The following ITGB5 variants were observed in gnomAD, a reference collection of about 807,000 sequenced individuals.
ITGB5 encodes integrin beta-5.
A neutral mutation model predicts 84.8 loss-of-function variants in ITGB5; 38 were observed. That is an observed-to-expected ratio of 0.45 (90% CI 0.35 to 0.59). ITGB5 has a LOEUF of 0.59. Ranked by LOEUF, ITGB5 falls within the 20% of genes least tolerant of loss-of-function variation. The pLI is 0.01. For synonymous variants in ITGB5, 393 were observed against 414.4 expected (o/e 0.95, Z 0.63); for missense variants, 905 against 1,034.5 (o/e 0.87, Z 1.72).
intron 10 of ITGB5, chr3:124,792,802 TTTTGGATATGAAG>T: frequency 6.6e-6 from 1 of 152,268 alleles, no homozygotes; most frequent in East Asian, 1.9e-4. Flanking sequence ...CACCAGGGGT[TTTTGGATATGAAG>T]TCTGGCAGAA....
At chr3:124,866,020 G>A (rs1342421728) in intron 2 of ITGB5, among the ~76,000 whole-genome samples, 1 of 152,048 alleles carries the variant, frequency 6.6e-6, no homozygotes, top group Non-Finnish European at 1.5e-5. Context: ...TTTTGAGATG[G>A]AATCTCGCTC....
intron 13 of ITGB5, 45 bp from the exon 14 acceptor site, chr3:124,764,602 A>G (rs774221790): frequency 9.6e-6 from 15 of 1,567,656 alleles, no homozygotes; most frequent in African/African-American, 2.7e-5. Context: ...TAGCATCACC[A>G]TGCCCCTCTC....
At chr3:124,784,001 C>T (rs923912755) in intron 10 of ITGB5, among the ~76,000 whole-genome samples, 1 of 152,140 alleles carries the variant, frequency 6.6e-6, no homozygotes, top group Non-Finnish European at 1.5e-5. Context: ...TGTCCTTCAT[C>T]GGCTGGACTA....
chr3:124,887,666 C>T (rs1230317030), upstream of ITGB5: 2 of 448,642 alleles, frequency 4.5e-6, no homozygotes, highest in South Asian at 1.6e-5. Context: ...CCCGTCGCCA[C>T]GGGAAAGGGG....
At chr3:124,773,978 T>C in intron 10 of ITGB5, 66 bp from the exon 11 acceptor site, 1 of 1,390,894 alleles carries the variant, frequency 7.2e-7, no homozygotes, top group Non-Finnish European at 1.0e-6. Flanking sequence ...AACCATCTGG[T>C]GCCCCACATG....
At chr3:124,835,380 T>C (rs1445426041) in intron 5 of ITGB5, among the ~76,000 whole-genome samples, 1 of 152,126 alleles carries the variant, frequency 6.6e-6, no homozygotes, top group Non-Finnish European at 1.5e-5. Context: ...GTCTGCCACA[T>C]AGAAAGCCAA....
rs180764379 is a variant in ITGB5, at chr3:124,872,146, G to T, written c.156+1300C>A. Among the ~76,000 whole-genome samples the T allele has an allele frequency of 1.9e-3, 282 of 152,314 alleles. 4 individuals carry two copies. The highest frequency in any genetic ancestry group is 6.4e-3 in the African/African-American group (268 of 41,566). The stretch of plus-strand genomic sequence containing the variant: ...CAATTAATCACAAATATGATTAAAG[G>T]TTTATATGTTGGGAAGATTCCACTC... On this transcript the variant is annotated intron_variant, in intron 2 of 14. Transcript: ENST00000296181.
chr3:124,786,578 G>C (rs1274923934), intron 10 of ITGB5, among the ~76,000 whole-genome samples: 4 of 152,096 alleles, frequency 2.6e-5, no homozygotes, highest in African/African-American at 9.7e-5. Context: ...GTGACAGCAG[G>C]TTCCCTCCTC....
chr3:124,768,985 A>G, intron 12 of ITGB5, 28 bp downstream of exon 12: 1 of 1,573,916 alleles, frequency 6.4e-7, no homozygotes, highest in Non-Finnish European at 8.7e-7. Context: ...AAAAACCGTG[A>G]CTGCCCGGGT....
intron 5 of ITGB5, among the ~76,000 whole-genome samples, chr3:124,828,860 C>T (rs979490184): frequency 2.6e-5 from 4 of 152,202 alleles, no homozygotes; most frequent in African/African-American, 9.7e-5. Flanking sequence ...AATCTGATTT[C>T]GGTCCCATGT....
At chr3:124,863,094 C>T (rs983391023) in intron 2 of ITGB5, 5 of 152,204 alleles carry the variant, frequency 3.3e-5, no homozygotes, top group South Asian at 4.1e-4. Flanking sequence ...TGTCAAAGTT[C>T]GCTTTCTTGC....
chr3:124,809,060 C>T lies in ITGB5; in HGVS notation c.1225G>A (p.Gly409Ser), dbSNP rs763099829. The change falls in exon 9 of 15, where the codon GGT (glycine) becomes AGT (serine). Residue 409 changes from glycine (G) to serine (S), a missense_variant. Gly to Ser is a moderately conservative substitution (Grantham distance 56). Coordinates refer to ENST00000296181, the MANE Select transcript of ITGB5 (RefSeq NM_002213.5). ...TTCAGACCCTCACACTTCCTCTGAC[C>T]AGGATAGGATACCCCATCTTGGCAG... is the stretch of plus-strand genomic sequence containing the variant. ...ATCQDGVSYPGQRKCEGLKIG... is the reference protein window; with the variant it reads ...ATCQDGVSYPSQRKCEGLKIG... The T allele has an allele frequency of 1.2e-6, 2 of 1,614,118 alleles. No individual in the cohort carries two copies. The highest frequency in any genetic ancestry group is 2.2e-5 in the East Asian group (1 of 44,890).
chr3:124,812,893 A>G (rs990821017), intron 8 of ITGB5, among the ~76,000 whole-genome samples: 3 of 152,224 alleles, frequency 2.0e-5, no homozygotes, highest in Non-Finnish European at 4.4e-5. Flanking sequence ...TCTGCTCAGA[A>G]TGTCCCCACA....
chr3:124,835,969 G>C (rs1013361344), intron 5 of ITGB5, among the ~76,000 whole-genome samples: 1 of 152,122 alleles, frequency 6.6e-6, no homozygotes, highest in Admixed American at 6.6e-5. Flanking sequence ...CAAAGGCCTT[G>C]AGCAAAGGAG....
chr3:124,841,448 C>A lies in ITGB5; in HGVS notation c.715G>T (p.Val239Leu), dbSNP rs1240963016. 1 of 1,614,128 alleles carries A rather than the reference C, an allele frequency of 6.2e-7. No individual in the cohort carries two copies. Residue 239 changes from valine to leucine, a missense_variant, in exon 5 of 15, where the codon GTG becomes TTG. Val to Leu is a conservative substitution (Grantham distance 32). This residue lies in a region of ITGB5 where 656 missense variants were observed against 734.7 expected (regional missense o/e 0.89). Coordinates refer to ENST00000296181, the MANE Select transcript of ITGB5 (RefSeq NM_002213.5). Reference sequence around the variant, plus strand: ...TCAGGGGCATCTCGGTTCCGGGACACCCTCTGTTTCCGAACTTCCTCATTG... The same window carrying A: ...TCAGGGGCATCTCGGTTCCGGGACAACCTCTGTTTCCGAACTTCCTCATTG... Reference protein sequence around the residue: ...SFNEEVRKQRVSRNRDAPEGG... With the variant: ...SFNEEVRKQRLSRNRDAPEGG...
Position 124,779,858 on chromosome 3 carries a change from G to A in ITGB5, c.1694-5946C>T, listed in dbSNP as rs1382777050. On this transcript the variant is annotated intron_variant, in intron 10 of 14. Transcript: ENST00000296181. ...AGGTCTTTTTGGAGGATGTTCAGGG[G>A]TACCCTTTTTGTCAGCTTAAATCAC... Among the ~76,000 whole-genome samples, 4 of 152,240 alleles carry A rather than the reference G, an allele frequency of 2.6e-5. No individual in the cohort carries two copies. In the East Asian group the frequency reaches 7.7e-4, roughly 29 times the overall value.
chr3:124,830,271 C>G (rs1450543180), intron 5 of ITGB5, among the ~76,000 whole-genome samples: 1 of 152,210 alleles, frequency 6.6e-6, no homozygotes, highest in Non-Finnish European at 1.5e-5. Flanking sequence ...CCACCCTCCA[C>G]AGTTTTTCCC....
At chr3:124,772,010 C>T (rs1193068548) in intron 11 of ITGB5, among the ~76,000 whole-genome samples, 1 of 152,102 alleles carries the variant, frequency 6.6e-6, no homozygotes, top group Admixed American at 6.5e-5. Context: ...CCCCAACTCC[C>T]CATTTACCTA....
chr3:124,901,224 T>G (rs1935208593), intron 1 of ITGB5: 2 of 152,280 alleles, frequency 1.3e-5, no homozygotes, highest in South Asian at 4.1e-4. Flanking sequence ...AAACCCTGTC[T>G]CTACTAAAAA....
Sources: allele counts gnomAD v4.1 joint callset (sites outside exome capture counted in the v4.1 genomes callset), GRCh38; gene constraint gnomAD v4.1.1; regional missense constraint gnomAD v4.1.1; transcripts MANE v1.5; gene names NCBI Gene and HGNC (gene_info 2026-07-23, HGNC 2026-07-21).